The following ST3GAL1 variants were observed in gnomAD, a reference collection of about 807,000 sequenced individuals.
The protein encoded by ST3GAL1 is CMP-N-acetylneuraminate-beta-galactosamide-alpha-2,3-sialyltransferase 1.
A neutral mutation model predicts 34.1 loss-of-function variants in ST3GAL1; 16 were observed. That is an observed-to-expected ratio of 0.47 (90% CI 0.32 to 0.71). The LOEUF is 0.71. Ranked by LOEUF, ST3GAL1 falls within the 30% of genes least tolerant of loss-of-function variation. ST3GAL1 has a pLI of 0.04. For missense variants in ST3GAL1, 353 were observed against 447.4 expected (o/e 0.79, Z 1.90); for synonymous variants, 191 against 184.7 (o/e 1.03, Z -0.28).
intron 3 of ST3GAL1, among the ~76,000 whole-genome samples, chr8:133,498,205 T>C (rs1817027510): frequency 6.6e-6 from 1 of 152,222 alleles, no homozygotes; most frequent in Non-Finnish European, 1.5e-5. Context: ...AGGCAGTTCA[T>C]CCGACTCCCT....
intron 3 of ST3GAL1, among the ~76,000 whole-genome samples, chr8:133,477,561 C>T (rs538399854): frequency 2.0e-4 from 31 of 152,084 alleles, no homozygotes; most frequent in African/African-American, 7.2e-4. Context: ...GGTTGGGGGG[C>T]TCTACCCTGG....
chr8:133,535,810 A>G (rs1818294880), intron 2 of ST3GAL1, among the ~76,000 whole-genome samples: 1 of 152,196 alleles, frequency 6.6e-6, no homozygotes, highest in South Asian at 2.1e-4. Flanking sequence ...GTATTTTTTA[A>G]TTAAGATATG....
intron 1 of ST3GAL1, among the ~76,000 whole-genome samples, chr8:133,549,753 G>A (rs572835611): frequency 2.6e-5 from 4 of 152,200 alleles, no homozygotes; most frequent in East Asian, 1.9e-4. Context: ...ACCTGAGGTC[G>A]GAGGTTCGAG....
At chr8:133,535,912 C>A (rs1259944834) in intron 2 of ST3GAL1, among the ~76,000 whole-genome samples, 1 of 152,104 alleles carries the variant, frequency 6.6e-6, no homozygotes, top group Non-Finnish European at 1.5e-5. Context: ...ACTGGGAAAC[C>A]AAAATAATTT....
intron 1 of ST3GAL1, among the ~76,000 whole-genome samples, chr8:133,562,098 A>T (rs760050792): frequency 1.3e-5 from 2 of 152,198 alleles, no homozygotes; most frequent in Non-Finnish European, 2.9e-5. Flanking sequence ...AAAATAAAAA[A>T]AAAGAGAGAC....
At chr8:133,475,535 G>A (rs377649967) in intron 5 of ST3GAL1, among the ~76,000 whole-genome samples, 184 bp downstream of exon 5, 2 of 152,186 alleles carry the variant, frequency 1.3e-5, no homozygotes, top group East Asian at 1.9e-4. Context: ...AGGTGTACAC[G>A]GGGACTGAGC....
chr8:133,465,161 A>C (rs565426242), intron 6 of ST3GAL1, among the ~76,000 whole-genome samples: 3 of 152,276 alleles, frequency 2.0e-5, no homozygotes, highest in Admixed American at 2.0e-4. Flanking sequence ...TCATGACCTC[A>C]AGGGAGTCTA....
At chr8:133,477,787 T>A (rs1438515272) in intron 3 of ST3GAL1, among the ~76,000 whole-genome samples, 40 of 152,062 alleles carry the variant, frequency 2.6e-4, no homozygotes, top group Non-Finnish European at 1.5e-5. Flanking sequence ...TTGCTTGGAA[T>A]GCTGAAGAAT....
chr8:133,525,360 T>C (rs1048883086), intron 2 of ST3GAL1, among the ~76,000 whole-genome samples: 1 of 151,844 alleles, frequency 6.6e-6, no homozygotes, highest in Admixed American at 6.6e-5. Context: ...GAGTCCAGGG[T>C]TTTTATGGGC....
chr8:133,463,269 C>G, intron 8 of ST3GAL1, 145 bp downstream of exon 8: 1 of 886,592 alleles, frequency 1.1e-6, no homozygotes, highest in Non-Finnish European at 1.8e-6. Context: ...GACCTCTTCC[C>G]CCAGGGGGAT....
At chr8:133,501,749 C>CAAA (rs1336889272) in intron 2 of ST3GAL1, among the ~76,000 whole-genome samples, 1 of 63,786 alleles carries the variant, frequency 1.6e-5, no homozygotes, top group African/African-American at 8.6e-5. Context: ...AACTCCGTCT[C>CAAA]AAAACAAACA....
chr8:133,470,419 CAA>C (rs537996116), intron 5 of ST3GAL1, among the ~76,000 whole-genome samples: 2 of 110,938 alleles, frequency 1.8e-5, no homozygotes. Context: ...AACTCCATGC[CAA>C]AAAAAAAAAA....
At chr8:133,491,357 G>C (rs1816780369) in intron 3 of ST3GAL1, among the ~76,000 whole-genome samples, 1 of 152,044 alleles carries the variant, frequency 6.6e-6, no homozygotes, top group South Asian at 2.1e-4. Context: ...GCTCACACCT[G>C]TCCCAGAAGA....
rs73359235 is a variant in ST3GAL1 at position 133,475,978 on chromosome 8, A to C, written c.47T>G (p.Val16Gly). 8,687 of 1,612,588 alleles carry C rather than the reference A, an allele frequency of 5.4e-3. 290 individuals carry two copies. In the African/African-American group the frequency reaches 0.086, roughly 16 times the overall value. The part of the protein sequence containing the change: ...KRTLKVLTFL[V>G]LFIFLTSFFL... ...GAAGGAGGTGAGGAAGATGAAGAGCACGAGGAAGGTGAGCACTTTCAGGGT... is the reference window on the plus strand; with the variant it reads ...GAAGGAGGTGAGGAAGATGAAGAGCCCGAGGAAGGTGAGCACTTTCAGGGT... Residue 16 changes from valine to glycine, a missense_variant, in exon 5 of 10, where the codon GTG becomes GGG. Transcript: ENST00000522652.
chr8:133,496,461 G>A (rs1432230671), intron 3 of ST3GAL1, among the ~76,000 whole-genome samples: 1 of 152,168 alleles, frequency 6.6e-6, no homozygotes, highest in African/African-American at 2.4e-5. Flanking sequence ...AAGGGGAGCT[G>A]ACAGAAGCCC....
At chr8:133,559,650 A>G (rs556125006) in intron 1 of ST3GAL1, among the ~76,000 whole-genome samples, 1 of 152,320 alleles carries the variant, frequency 6.6e-6, no homozygotes, top group South Asian at 2.1e-4. Context: ...CAGTGTTTTC[A>G]AGTAAGAAGA....
intron 2 of ST3GAL1, among the ~76,000 whole-genome samples, chr8:133,523,454 G>A (rs78968613): frequency 0.055 from 8,362 of 152,246 alleles, 491 homozygotes; most frequent in East Asian, 0.21. Flanking sequence ...CAACCTCCCT[G>A]TGCCTTCATT....
intron 2 of ST3GAL1, among the ~76,000 whole-genome samples, chr8:133,529,933 C>T (rs572300815): frequency 1.1e-4 from 16 of 152,282 alleles, no homozygotes; most frequent in South Asian, 8.3e-4. Flanking sequence ...GCCCCCTGCC[C>T]GCTCCTTTCT....
chr8:133,474,337 C>T (rs1816076550), intron 5 of ST3GAL1, among the ~76,000 whole-genome samples: 1 of 152,150 alleles, frequency 6.6e-6, no homozygotes, highest in Non-Finnish European at 1.5e-5. Flanking sequence ...TCCTGCAACC[C>T]AAGAAAGGAA....
Sources: allele counts gnomAD v4.1 joint callset (sites outside exome capture counted in the v4.1 genomes callset), GRCh38; gene constraint gnomAD v4.1.1; transcripts MANE v1.5; gene names NCBI Gene and HGNC (gene_info 2026-07-23, HGNC 2026-07-21).